Variants in LIN28B observed in about 807,000 individuals in gnomAD.
The protein encoded by LIN28B is lin-28 RNA binding posttranscriptional regulator B, also known as protein lin-28 homolog B.
A neutral mutation model predicts 21.9 loss-of-function variants in LIN28B; 5 were observed. The observed-to-expected ratio is 0.23, with a 90% CI of 0.12 to 0.48. The LOEUF is 0.48. LIN28B is among the 20% of genes least tolerant of loss of function. The probability of loss-of-function intolerance (pLI) is 0.98; values close to 1 mark genes in which losing one functional copy is unlikely to be tolerated. For missense variants in LIN28B, 245 were observed against 310.5 expected (o/e 0.79, Z 1.58); for synonymous variants, 109 against 111.3 (o/e 0.98, Z 0.13).
At chr6:105,044,890 A>G (rs1195702452) in intron 3 of LIN28B, among the ~76,000 whole-genome samples, 2 of 152,120 alleles carry the variant, frequency 1.3e-5, no homozygotes, top group Non-Finnish European at 2.9e-5. Context: ...TTTTGGATCA[A>G]GTACAATGGC....
At chr6:105,027,416 T>C (rs1024144088) in intron 3 of LIN28B, among the ~76,000 whole-genome samples, 8 of 152,048 alleles carry the variant, frequency 5.3e-5, no homozygotes, top group African/African-American at 1.9e-4. Context: ...TTGAATATAT[T>C]TTATATGTTT....
chr6:104,962,607 A>G (rs996537291), intron 2 of LIN28B, among the ~76,000 whole-genome samples: 2 of 152,136 alleles, frequency 1.3e-5, no homozygotes, highest in African/African-American at 2.4e-5. Flanking sequence ...TATATGAAAA[A>G]TTTCTTACAC....
intron 2 of LIN28B, among the ~76,000 whole-genome samples, chr6:104,966,658 A>G (rs1346202503): frequency 1.6e-5 from 2 of 124,536 alleles, no homozygotes; most frequent in Non-Finnish European, 1.7e-5. Flanking sequence ...GTCTCGCTAC[A>G]TTGCCCAGGC....
At chr6:105,032,333 TG>T (rs1771442190) in intron 3 of LIN28B, among the ~76,000 whole-genome samples, 1 of 152,170 alleles carries the variant, frequency 6.6e-6, no homozygotes. Context: ...ACTGCCAAAT[TG>T]TTTTCCAGAG....
chr6:105,083,028 T>C lies in LIN28B; in HGVS notation c.*4245T>C, dbSNP rs1410093636. Reference sequence around the variant, plus strand: ...TCTTTAATAATGGTGTTTTATCTAGTGTTTTTAAATTATCCTGTGTAGTAT... The same window carrying C: ...TCTTTAATAATGGTGTTTTATCTAGCGTTTTTAAATTATCCTGTGTAGTAT... On this transcript the variant is annotated 3_prime_UTR_variant, in exon 4 of 4. Transcript: ENST00000345080. The C allele has an allele frequency of 1.3e-5, 2 of 152,656 alleles. No homozygotes were observed. The highest frequency in any genetic ancestry group is 2.4e-5 in the African/African-American group (1 of 41,470). 9.5% of individuals were successfully genotyped at this position (152,656 alleles called of 1,614,324 possible).
At chr6:105,015,473 T>A (rs545793827) in intron 2 of LIN28B, among the ~76,000 whole-genome samples, 49 of 152,278 alleles carry the variant, frequency 3.2e-4, no homozygotes, top group Admixed American at 6.5e-4. Context: ...TTTTTATCAA[T>A]TTGATAAATC....
intron 2 of LIN28B, among the ~76,000 whole-genome samples, chr6:104,990,685 G>A (rs1770445313): frequency 1.3e-5 from 2 of 151,936 alleles, no homozygotes; most frequent in Admixed American, 1.3e-4. Context: ...AAGGTCTCTG[G>A]TTTTCCTAGG....
chr6:105,036,297 A>C (rs920811796), intron 3 of LIN28B, among the ~76,000 whole-genome samples: 1 of 152,334 alleles, frequency 6.6e-6, no homozygotes, highest in African/African-American at 2.4e-5. Context: ...TTGAATAACT[A>C]AACTATTGCA....
chr6:104,961,403 C>G (rs1052483215), intron 2 of LIN28B, among the ~76,000 whole-genome samples: 1 of 151,718 alleles, frequency 6.6e-6, no homozygotes, highest in African/African-American at 2.4e-5. Context: ...CGTCTAAATT[C>G]TTTTATTTTT....
At chr6:105,071,374 A>G (rs423366) in intron 3 of LIN28B, among the ~76,000 whole-genome samples, 118,300 of 151,850 alleles carry the variant, frequency 0.78, 46,904 homozygotes, top group Non-Finnish European at 0.86. Context: ...TCATTATTCT[A>G]CTATCTGCAA....
At chr6:104,957,076 G>T, upstream of LIN28B, 1 of 1,490,984 alleles carries the variant, frequency 6.7e-7, no homozygotes, top group Non-Finnish European at 8.9e-7. Flanking sequence ...TGCTCAGGGG[G>T]CCAGAAACTG....
At chr6:104,940,267 TAC>T (rs1398148337) in intron 2 of LIN28B, 4 of 166,132 alleles carry the variant, frequency 2.4e-5, no homozygotes, top group African/African-American at 9.6e-5. Flanking sequence ...GTTACCTTCT[TAC>T]AGTTTTACCG....
chr6:105,044,330 A>G (rs111986208), intron 3 of LIN28B, among the ~76,000 whole-genome samples: 3,637 of 152,148 alleles, frequency 0.024, 142 homozygotes, highest in African/African-American at 0.083. Flanking sequence ...TTTAATTTCT[A>G]TATTTTTGTA....
At chr6:105,062,843 G>A (rs1772148523) in intron 3 of LIN28B, among the ~76,000 whole-genome samples, 1 of 151,742 alleles carries the variant, frequency 6.6e-6, no homozygotes, top group African/African-American at 2.4e-5. Flanking sequence ...TTCATTTTTA[G>A]ACATTGATTA....
At chr6:104,991,721 A>G (rs553079705) in intron 2 of LIN28B, among the ~76,000 whole-genome samples, 2 of 152,202 alleles carry the variant, frequency 1.3e-5, no homozygotes, top group Non-Finnish European at 2.9e-5. Flanking sequence ...AGCCTGGGCA[A>G]CATTGAGCAC....
At chr6:105,019,438 T>A (rs973726494) in intron 2 of LIN28B, among the ~76,000 whole-genome samples, 1 of 152,184 alleles carries the variant, frequency 6.6e-6, no homozygotes, top group Non-Finnish European at 1.5e-5. Flanking sequence ...GGATATTTCC[T>A]TCAGTCTCTT....
chr6:105,039,452 T>C (rs1771588567), intron 3 of LIN28B, among the ~76,000 whole-genome samples: 1 of 152,176 alleles, frequency 6.6e-6, no homozygotes, highest in Admixed American at 6.5e-5. Context: ...TTAAAAACCC[T>C]ACTGTATTGT....
At position 105,078,466 on chromosome 6, in the gene LIN28B, C is replaced by T; in HGVS notation, c.436C>T (p.Pro146Ser). The T allele has an allele frequency of 6.2e-7, 1 of 1,613,972 alleles. No individual in the cohort carries two copies. Among genetic ancestry groups the T allele is most frequent in the South Asian group, 1.1e-5 (1 of 91,082 alleles). Residue 146 changes from proline to serine, a missense_variant, in exon 4 of 4, where the codon CCT (proline) becomes TCT (serine). Physicochemically the swap from Pro to Ser is moderately conservative, Grantham distance 74. Transcript: ENST00000345080. ...TCATGCTAAGGAATGTAGTCTACCT[C>T]CTCAGCCAAAGAAGTGCCATTACTG... is the stretch of plus-strand genomic sequence containing the variant. ...DHHAKECSLP[P>S]QPKKCHYCQS...
chr6:105,034,328 C>T (rs1438363356), intron 3 of LIN28B, among the ~76,000 whole-genome samples: 1 of 151,824 alleles, frequency 6.6e-6, no homozygotes, highest in African/African-American at 2.4e-5. Context: ...ATAATACATT[C>T]TGCTGCTTTT....
Sources: gnomAD v4.1 joint callset for allele counts (sites outside exome capture counted in the v4.1 genomes callset) on GRCh38, gnomAD v4.1.1 for gene constraint, MANE v1.5 for transcripts, NCBI Gene and HGNC (gene_info 2026-07-23, HGNC 2026-07-21) for gene names.